Variants in RNGTT observed in about 807,000 individuals in gnomAD.
RNGTT encodes RNA guanylyltransferase and 5'-phosphatase.
Under a neutral mutation model 79.3 loss-of-function variants are expected in RNGTT, and 33 were observed. That is an observed-to-expected ratio of 0.42 (90% CI 0.32 to 0.56). The LOEUF is 0.56. Ranked by LOEUF, RNGTT falls within the 20% of genes least tolerant of loss-of-function variation. The pLI is 0.17. For missense variants in RNGTT, 497 were observed against 739.1 expected (o/e 0.67, Z 3.80); for synonymous variants, 222 against 235.9 (o/e 0.94, Z 0.54).
chr6:88,698,548 AC>A (rs1192959565), intron 13 of RNGTT, among the ~76,000 whole-genome samples: 1 of 151,448 alleles, frequency 6.6e-6, no homozygotes, highest in Non-Finnish European at 1.5e-5. Flanking sequence ...CCTTGAACAA[AC>A]TTTTTACTTA....
intron 13 of RNGTT, among the ~76,000 whole-genome samples, chr6:88,710,843 A>G (rs1042818648): frequency 1.3e-5 from 2 of 152,198 alleles, no homozygotes; most frequent in African/African-American, 2.4e-5. Context: ...CATATTTCAC[A>G]GTGATTTTTT....
At chr6:88,667,886 G>T (rs1774478262) in intron 14 of RNGTT, among the ~76,000 whole-genome samples, 2 of 152,108 alleles carry the variant, frequency 1.3e-5, no homozygotes, top group Admixed American at 1.3e-4. Context: ...CAAGAAATGG[G>T]TACAGGCTCT....
chr6:88,864,373 C>T (rs369594677), intron 8 of RNGTT, among the ~76,000 whole-genome samples: 2 of 151,988 alleles, frequency 1.3e-5, no homozygotes, highest in African/African-American at 4.8e-5. Flanking sequence ...TGTTCATTTG[C>T]CAACATTAGC....
At chr6:88,642,173 G>T (rs539862426) in intron 14 of RNGTT, among the ~76,000 whole-genome samples, 17 of 152,268 alleles carry the variant, frequency 1.1e-4, no homozygotes, top group African/African-American at 3.9e-4. Flanking sequence ...GGAACTGCCA[G>T]AATTTGACCT....
At chr6:88,951,264 T>C (rs1785238244) in intron 1 of RNGTT, among the ~76,000 whole-genome samples, 1 of 152,318 alleles carries the variant, frequency 6.6e-6, no homozygotes, top group Non-Finnish European at 1.5e-5. Flanking sequence ...ATGAGCAAAG[T>C]GGTTTCCTGA....
chr6:88,824,778 G>A (rs1209091843), intron 11 of RNGTT, among the ~76,000 whole-genome samples: 31 of 144,814 alleles, frequency 2.1e-4, no homozygotes, highest in African/African-American at 7.5e-4. Flanking sequence ...TTTTGGAGAC[G>A]TCTTACTCTG....
intron 14 of RNGTT, among the ~76,000 whole-genome samples, chr6:88,635,925 G>C (rs1181109325): frequency 2.0e-5 from 3 of 152,034 alleles, no homozygotes; most frequent in Non-Finnish European, 4.4e-5. Flanking sequence ...GCTAGTCATG[G>C]AGGGTTCTCA....
intron 4 of RNGTT, among the ~76,000 whole-genome samples, chr6:88,924,465 C>T (rs765118292): frequency 6.6e-6 from 1 of 152,138 alleles, no homozygotes; most frequent in Non-Finnish European, 1.5e-5. Context: ...TTTTATGTCA[C>T]ATATGCTTCA....
chr6:88,909,157 TC>T (rs560532559), intron 4 of RNGTT, among the ~76,000 whole-genome samples: 2 of 152,206 alleles, frequency 1.3e-5, no homozygotes, highest in African/African-American at 4.8e-5. Flanking sequence ...CAAGGTTTCT[TC>T]CCCAGGAAGC....
chr6:88,879,396 C>CATAA lies in RNGTT; in HGVS notation c.896+11095_896+11098dup, dbSNP rs201621965. 5.2e-3 allele frequency among the ~76,000 whole-genome samples: 786 copies of CATAA among 152,174 alleles called. 6 individuals are homozygous for CATAA. Among genetic ancestry groups the CATAA allele is most frequent in the African/African-American group, 0.017 (704 of 41,532 alleles). ...GTGTCAGAGTGAGACTCCGTCTCTA[C>CATAA]ATAAATAAATAAATAAATACTGTTA... is the stretch of plus-strand genomic sequence containing the variant. On this transcript the variant is annotated intron_variant, in intron 8 of 15. Transcript: ENST00000369485.
At chr6:88,790,649 C>A (rs745730678) in intron 12 of RNGTT, among the ~76,000 whole-genome samples, 1 of 152,128 alleles carries the variant, frequency 6.6e-6, no homozygotes, top group East Asian at 1.9e-4. Flanking sequence ...AATTTATACA[C>A]ATTTTGACAT....
chr6:88,753,956 C>T (rs919815061), intron 13 of RNGTT, among the ~76,000 whole-genome samples: 1 of 152,002 alleles, frequency 6.6e-6, no homozygotes, highest in African/African-American at 2.4e-5. Flanking sequence ...TGGCATTAGA[C>T]CATAAAGAAA....
At chr6:88,916,370 G>A (rs533451380) in intron 4 of RNGTT, among the ~76,000 whole-genome samples, 37 of 152,300 alleles carry the variant, frequency 2.4e-4, no homozygotes, top group African/African-American at 8.7e-4. Flanking sequence ...CTACTAAAGA[G>A]GCTGAGAGGA....
chr6:88,835,975 A>ACAC lies in RNGTT; in HGVS notation c.1269+8381_1269+8382insGTG, dbSNP rs1781054402. ...ACAGCAAGACTCTGTCTCTATTAAA[A>ACAC]ACACACACACACACACACACACACA... On this transcript the variant is annotated intron_variant, in intron 11 of 15. Transcript: ENST00000369485. 9.1e-4 allele frequency among the ~76,000 whole-genome samples: 104 copies of ACAC among 113,774 alleles called. 1 individual carries two copies. The highest frequency in any genetic ancestry group is 3.5e-3 in the African/African-American group (100 of 28,968). The allele number at this position is 113,774 out of a possible 152,430, so 74.6% of individuals were successfully genotyped here.
chr6:88,927,874 A>G (rs1468569364), intron 4 of RNGTT, among the ~76,000 whole-genome samples: 2 of 151,534 alleles, frequency 1.3e-5, no homozygotes, highest in African/African-American at 4.8e-5. Flanking sequence ...TTTACATTGC[A>G]TCCTCAATTT....
At chr6:88,645,059 A>T (rs374516028) in intron 14 of RNGTT, among the ~76,000 whole-genome samples, 2 of 152,194 alleles carry the variant, frequency 1.3e-5, no homozygotes, top group Non-Finnish European at 2.9e-5. Flanking sequence ...GAGGAAGTCA[A>T]ATTGTCCCTG....
intron 8 of RNGTT, among the ~76,000 whole-genome samples, chr6:88,881,057 G>A (rs1782681277): frequency 6.6e-6 from 1 of 151,874 alleles, no homozygotes; most frequent in South Asian, 2.1e-4. Context: ...CCCCTCCTGG[G>A]GAAAGCCATG....
intron 12 of RNGTT, 29 bp downstream of exon 12, chr6:88,801,535 A>AACAC (rs143372586): frequency 6.7e-7 from 1 of 1,490,274 alleles, no homozygotes; most frequent in East Asian, 2.4e-5. Flanking sequence ...CACACAAACG[A>AACAC]ACACACACAC....
chr6:88,685,435 A>G (rs1383922692), intron 13 of RNGTT, among the ~76,000 whole-genome samples: 1 of 152,158 alleles, frequency 6.6e-6, no homozygotes, highest in African/African-American at 2.4e-5. Context: ...AAATGTGGAA[A>G]AAGACCTATG....
Sources: gnomAD v4.1 joint callset for allele counts (sites outside exome capture counted in the v4.1 genomes callset) on GRCh38, gnomAD v4.1.1 for gene constraint, MANE v1.5 for transcripts, NCBI Gene and HGNC (gene_info 2026-07-23, HGNC 2026-07-21) for gene names.